WWOX: variants seen among roughly 807,000 people sequenced by gnomAD.
The protein encoded by WWOX is WW domain containing oxidoreductase.
In WWOX, 69 loss-of-function variants were observed where a neutral mutation model predicts 46.2. That is an observed-to-expected ratio of 1.49 (90% CI 1.23 to 1.82). The LOEUF is 1.82. WWOX is among the 40% of genes most tolerant of loss of function. The pLI, the probability that WWOX is intolerant of heterozygous loss-of-function variation, is 0.00. For missense variants in WWOX, 919 were observed against 542.6 expected (o/e 1.69, Z -6.89); for synonymous variants, 359 against 202.6 (o/e 1.77, Z -6.56).
chr16:78,450,265 A>G (rs2083661862), intron 8 of WWOX, among the ~76,000 whole-genome samples: 1 of 152,336 alleles, frequency 6.6e-6, no homozygotes, highest in African/African-American at 2.4e-5. Context: ...CTTGAGTTGC[A>G]TATGATGGGA....
At chr16:78,788,467 G>C (rs751384629) in intron 8 of WWOX, among the ~76,000 whole-genome samples, 1 of 152,122 alleles carries the variant, frequency 6.6e-6, no homozygotes, top group Non-Finnish European at 1.5e-5. Flanking sequence ...TTATGCCCTG[G>C]GGAAAGGAAT....
intron 8 of WWOX, among the ~76,000 whole-genome samples, chr16:78,975,624 T>C (rs1199639276): frequency 6.6e-6 from 1 of 152,148 alleles, no homozygotes; most frequent in African/African-American, 2.4e-5. Flanking sequence ...GAACAGTGTT[T>C]ATTCCCCAAC....
rs572150578 is a variant in WWOX, at chr16:78,999,385, G to T, written c.1057-212223G>T. ...CTCGAGAGGCTGAGGCAGGAGAATC[G>T]CTTCAACCCAGAAGGCGGAAGTTGC... is the stretch of plus-strand genomic sequence containing the variant. On this transcript the variant is annotated intron_variant, in intron 8 of 8. Transcript: ENST00000566780. Among the ~76,000 whole-genome samples, 54 of 152,216 alleles carry T rather than the reference G, an allele frequency of 3.5e-4. No individual in the cohort carries two copies. The South Asian group carries it at 0.011, about 32-fold the overall frequency.
chr16:79,187,088 G>C (rs995319373), intron 8 of WWOX, among the ~76,000 whole-genome samples: 3 of 152,154 alleles, frequency 2.0e-5, no homozygotes, highest in African/African-American at 7.2e-5. Context: ...TGTTTGTTAG[G>C]GGGGTCATTA....
At chr16:78,897,937 A>T (rs1020003236) in intron 8 of WWOX, 3 of 151,434 alleles carry the variant, frequency 2.0e-5, no homozygotes, top group Non-Finnish European at 4.4e-5. Flanking sequence ...CTTTTTATGA[A>T]CTCATTGGCC....
chr16:79,211,486 C>CAAGA (rs1475263184), intron 8 of WWOX, 122 bp from the exon 9 acceptor site: 4 of 1,293,870 alleles, frequency 3.1e-6, no homozygotes, highest in South Asian at 1.3e-5. Context: ...TTTGCTATGC[C>CAAGA]AAGATCCAGC....
At chr16:79,132,977 C>A (rs574902158) in intron 8 of WWOX, among the ~76,000 whole-genome samples, 2 of 152,302 alleles carry the variant, frequency 1.3e-5, no homozygotes, top group South Asian at 4.1e-4. Flanking sequence ...TCTGTTCTGT[C>A]ACTTGGATCT....
intron 8 of WWOX, among the ~76,000 whole-genome samples, chr16:78,995,272 AC>A (rs984035769): frequency 2.0e-5 from 3 of 152,082 alleles, no homozygotes; most frequent in Non-Finnish European, 4.4e-5. Flanking sequence ...GGAAAGGTGA[AC>A]AGAGGCATCT....
chr16:79,165,936 A>G lies in WWOX; in HGVS notation c.1057-45672A>G, dbSNP rs372603619. Among the ~76,000 whole-genome samples, 428 of 152,336 alleles carry G rather than the reference A, an allele frequency of 2.8e-3. 2 individuals carry two copies. Among genetic ancestry groups the G allele is most frequent in the African/African-American group, 9.6e-3 (398 of 41,572 alleles). On this transcript the variant is annotated intron_variant, in intron 8 of 8. Coordinates refer to ENST00000566780, the MANE Select transcript of WWOX (RefSeq NM_016373.4). Reference sequence around the variant, plus strand: ...AATCAACTCAATTACCAGCCCTCTCAGACATTTTCATAATGTTTTCTGGTA... The same window carrying G: ...AATCAACTCAATTACCAGCCCTCTCGGACATTTTCATAATGTTTTCTGGTA...
chr16:78,898,449 C>T (rs909646063), intron 8 of WWOX: 1 of 152,092 alleles, frequency 6.6e-6, no homozygotes, highest in Non-Finnish European at 1.5e-5. Context: ...AATCAGTTGA[C>T]TATATATGTG....
chr16:78,791,937 CCTTCT>C (rs774292754), intron 8 of WWOX, among the ~76,000 whole-genome samples: 5 of 151,962 alleles, frequency 3.3e-5, no homozygotes, highest in Admixed American at 6.6e-5. Flanking sequence ...ATAGAAGAGG[CCTTCT>C]CTTCACAAGT....
At chr16:78,312,462 C>A (rs1478474655) in intron 5 of WWOX, among the ~76,000 whole-genome samples, 3 of 149,988 alleles carry the variant, frequency 2.0e-5, no homozygotes, top group Non-Finnish European at 4.4e-5. Context: ...ACTGCAACCT[C>A]CACCTCCTGT....
At chr16:78,327,002 T>C (rs2080638679) in intron 5 of WWOX, among the ~76,000 whole-genome samples, 1 of 152,122 alleles carries the variant, frequency 6.6e-6, no homozygotes, top group African/African-American at 2.4e-5. Flanking sequence ...TCATCATCAA[T>C]ACCATCAATT....
chr16:78,234,738 CAA>C (rs201120606), intron 5 of WWOX, among the ~76,000 whole-genome samples: 95 of 151,578 alleles, frequency 6.3e-4, no homozygotes, highest in Middle Eastern at 3.4e-3. Flanking sequence ...AAAAGAACCA[CAA>C]GTCTCTATTT....
chr16:78,516,320 T>C (rs2043235021), intron 8 of WWOX, among the ~76,000 whole-genome samples: 1 of 152,084 alleles, frequency 6.6e-6, no homozygotes, highest in South Asian at 2.1e-4. Flanking sequence ...CTTTGCTTGG[T>C]TTTCCCTGGA....
In WWOX at chr16:79,095,134, A is replaced by G. The variant is rs868256453; in HGVS notation, c.1057-116474A>G. 8.5e-5 allele frequency among the ~76,000 whole-genome samples: 13 copies of G among 152,206 alleles called. No individual in the cohort carries two copies. The South Asian group carries it at 2.1e-3, about 24-fold the overall frequency. Reference sequence around the variant, plus strand: ...GGAGGCTTCTCTAAAAGGCTTCCCAATGCCTTAGAATCTACTTAAGGGTAT... The same window carrying G: ...GGAGGCTTCTCTAAAAGGCTTCCCAGTGCCTTAGAATCTACTTAAGGGTAT... On this transcript the variant is annotated intron_variant, in intron 8 of 8. Transcript: ENST00000566780.
chr16:78,164,697 C>T (rs1010992112), intron 5 of WWOX, among the ~76,000 whole-genome samples: 2 of 152,170 alleles, frequency 1.3e-5, no homozygotes, highest in East Asian at 1.9e-4. Flanking sequence ...GATGTTGATA[C>T]GTGTCTACAT....
At position 78,880,600 on chromosome 16, in the gene WWOX, C is replaced by T. The variant is rs546202563; in HGVS notation, c.1057-331008C>T. 2.8e-3 allele frequency among the ~76,000 whole-genome samples: 428 copies of T among 152,304 alleles called. 1 individual carries two copies. The highest frequency in any genetic ancestry group is 1.0e-2 in the African/African-American group (414 of 41,572). On this transcript the variant is annotated intron_variant, in intron 8 of 8. Coordinates refer to ENST00000566780, the MANE Select transcript of WWOX (RefSeq NM_016373.4). ...ATAGGCAGGTTTTTGCATTTGGAAT[C>T]CAGCCAAAATGCCCATCTTCATTCC...
chr16:78,543,945 C>G (rs1021548320), intron 8 of WWOX, among the ~76,000 whole-genome samples: 1 of 151,758 alleles, frequency 6.6e-6, no homozygotes, highest in Non-Finnish European at 1.5e-5. Context: ...AATTTCTTGT[C>G]AAAAAAAGAG....
Sources: allele counts gnomAD v4.1 joint callset (sites outside exome capture counted in the v4.1 genomes callset), GRCh38; gene constraint gnomAD v4.1.1; transcripts MANE v1.5; gene names NCBI Gene and HGNC (gene_info 2026-07-23, HGNC 2026-07-21).